R3HCC1L: variants seen among roughly 807,000 people sequenced by gnomAD.
R3HCC1L encodes R3H domain and coiled-coil containing 1 like, also known as coiled-coil domain-containing protein R3HCC1L.
R3HCC1L carries 51 observed loss-of-function variants against 59.9 expected under a neutral mutation model. The observed-to-expected ratio is 0.85, with a 90% CI of 0.68 to 1.07. The LOEUF (loss-of-function observed/expected upper bound fraction) is 1.07, where lower values mean the gene tolerates loss of function less well. Ranked by LOEUF, R3HCC1L falls within the 50% of genes least tolerant of loss-of-function variation. The pLI is 0.00. For synonymous variants in R3HCC1L, 322 were observed against 315.2 expected (o/e 1.02, Z -0.23); for missense variants, 965 against 933.0 (o/e 1.03, Z -0.45).
intron 4 of R3HCC1L, among the ~76,000 whole-genome samples, chr10:98,207,595 C>T (rs1433550123): frequency 6.6e-6 from 1 of 152,080 alleles, no homozygotes; most frequent in Non-Finnish European, 1.5e-5. Flanking sequence ...GCAGCATCTT[C>T]TAGAAAGCAT....
intron 5 of R3HCC1L, among the ~76,000 whole-genome samples, chr10:98,210,268 A>G (rs1303940095): frequency 6.6e-6 from 1 of 152,100 alleles, no homozygotes; most frequent in Non-Finnish European, 1.5e-5. Flanking sequence ...TGTTATTTAT[A>G]TTTTATTTTC....
chr10:98,136,717 G>GTAGCC (rs1041356166), intron 1 of R3HCC1L, among the ~76,000 whole-genome samples: 5 of 152,068 alleles, frequency 3.3e-5, no homozygotes, highest in African/African-American at 1.2e-4. Flanking sequence ...CACGCCTGTA[G>GTAGCC]TCCCAGCTAC....
intron 1 of R3HCC1L, among the ~76,000 whole-genome samples, chr10:98,146,774 T>C (rs1347742698): frequency 2.0e-5 from 3 of 152,262 alleles, no homozygotes; most frequent in Non-Finnish European, 4.4e-5. Flanking sequence ...ACTGTGTATA[T>C]GTACCACTTT....
At chr10:98,143,960 C>T (rs1425914895) in intron 1 of R3HCC1L, among the ~76,000 whole-genome samples, 1 of 152,112 alleles carries the variant, frequency 6.6e-6, no homozygotes. Context: ...AGCACACACA[C>T]ATACTTAAAT....
chr10:98,163,834 T>G (rs1847674201), intron 4 of R3HCC1L, among the ~76,000 whole-genome samples: 1 of 152,212 alleles, frequency 6.6e-6, no homozygotes, highest in Admixed American at 6.5e-5. Flanking sequence ...AGTAAAGTAT[T>G]ATAAAACAGA....
chr10:98,156,689 C>T (rs933059244), intron 2 of R3HCC1L, among the ~76,000 whole-genome samples: 1 of 152,138 alleles, frequency 6.6e-6, no homozygotes, highest in Admixed American at 6.5e-5. Flanking sequence ...GTGGGTGAGA[C>T]CGTTGTTGAT....
At chr10:98,198,739 G>A (rs917228324) in intron 4 of R3HCC1L, among the ~76,000 whole-genome samples, 12 of 152,014 alleles carry the variant, frequency 7.9e-5, no homozygotes, top group African/African-American at 2.9e-4. Flanking sequence ...TACATTCATG[G>A]TTTAGTTGAT....
intron 9 of R3HCC1L, among the ~76,000 whole-genome samples, chr10:98,238,704 C>T (rs185404416): frequency 9.9e-5 from 15 of 152,206 alleles, no homozygotes; most frequent in Admixed American, 2.0e-4. Context: ...ACTGTAATCC[C>T]CCTTAAAGGA....
rs865832528 is a variant in R3HCC1L at position 98,240,797 on chromosome 10, A to T, written c.2270-3294A>T. Among the ~76,000 whole-genome samples the T allele has an allele frequency of 6.3e-3, 841 of 133,092 alleles. 4 individuals carry two copies. Among genetic ancestry groups the T allele is most frequent in the Non-Finnish European group, 9.8e-3 (620 of 63,106 alleles). 87.3% of individuals were successfully genotyped at this position (133,092 alleles called of 152,430 possible). On this transcript the variant is annotated intron_variant, in intron 9 of 9. Transcript: ENST00000298999. Reference sequence around the variant, plus strand: ...ATGTCTGAAGTTCATTTCTAACCACATTTTTTTTTTTTTTTCATTTTAATG... The same window carrying T: ...ATGTCTGAAGTTCATTTCTAACCACTTTTTTTTTTTTTTTTCATTTTAATG...
Position 98,208,291 on chromosome 10 carries a change from A to G in R3HCC1L, c.177A>G (p.Lys59=). The G allele has an allele frequency of 6.2e-7, 1 of 1,614,200 alleles. No homozygotes were observed. Among genetic ancestry groups the G allele is most frequent in the Admixed American group, 1.7e-5 (1 of 60,024 alleles). ...AAAAAGAAAGTTCTCTCTCCCAAAA[A>G]GAAGTCTTTAAAGACAAACCGGAGG... is the stretch of plus-strand genomic sequence containing the variant. ...EKQKESSLSQ[K]EVFKDKPEAR... The change falls in exon 5 of 10, where the codon AAA becomes AAG. Residue 59 remains lysine (K), a synonymous_variant. Coordinates refer to ENST00000298999, the MANE Select transcript of R3HCC1L (RefSeq NM_001351015.2).
rs904946977 is a variant in R3HCC1L at position 98,165,196 on chromosome 10, G to A, written c.-15+1799G>A. On this transcript the variant is annotated intron_variant, in intron 4 of 9. Transcript: ENST00000298999. ...TATTCCTTGCTTGAGCCAGGCAGGC[G>A]GATGTTGCAGTGAGCTGAGATTGCG... 5.9e-5 allele frequency among the ~76,000 whole-genome samples: 9 copies of A among 152,196 alleles called. No individual in the cohort carries two copies. In the South Asian group the frequency reaches 1.4e-3, roughly 24 times the overall value.
chr10:98,223,251 G>A (rs1855262754), intron 5 of R3HCC1L, among the ~76,000 whole-genome samples: 1 of 152,126 alleles, frequency 6.6e-6, no homozygotes. Flanking sequence ...GAGAATTTTA[G>A]ACCAATATCC....
At chr10:98,146,764 A>C (rs1169848623) in intron 1 of R3HCC1L, among the ~76,000 whole-genome samples, 1 of 152,242 alleles carries the variant, frequency 6.6e-6, no homozygotes, top group Non-Finnish European at 1.5e-5. Flanking sequence ...ATAATATTCC[A>C]CTGTGTATAT....
In R3HCC1L at chr10:98,209,800, T is replaced by C; in HGVS notation, c.1686T>C (p.Thr562=). ...AAACATCCATCGAACCAAAAGCAAC[T>C]GAAACTTCTCACACAGAGGGAATTA... ...SMETSIEPKA[T]ETSHTEGITA... Residue 562 remains threonine (T), a synonymous_variant, in exon 5 of 10, where the codon ACT becomes ACC. Coordinates refer to ENST00000298999, the MANE Select transcript of R3HCC1L (RefSeq NM_001351015.2). The C allele has an allele frequency of 6.2e-7, 1 of 1,613,880 alleles. No homozygotes were observed. The highest frequency in any genetic ancestry group is 8.5e-7 in the Non-Finnish European group (1 of 1,179,854).
chr10:98,142,037 C>T (rs1027753693), intron 1 of R3HCC1L, among the ~76,000 whole-genome samples: 3 of 152,132 alleles, frequency 2.0e-5, no homozygotes, highest in Non-Finnish European at 4.4e-5. Flanking sequence ...TTCCCTACTG[C>T]TGATGGTGTT....
chr10:98,173,900 G>T (rs1470350674), intron 4 of R3HCC1L, among the ~76,000 whole-genome samples: 1 of 152,284 alleles, frequency 6.6e-6, no homozygotes, highest in East Asian at 1.9e-4. Context: ...AGTATCTAAC[G>T]TGTTTTTACA....
chr10:98,209,926 C>A, intron 5 of R3HCC1L, 27 bp downstream of exon 5: 1 of 1,542,290 alleles, frequency 6.5e-7, no homozygotes, highest in Non-Finnish European at 8.9e-7. Context: ...TTGCTTGATG[C>A]TTAGTTAGTT....
chr10:98,176,188 A>T (rs11189503), intron 4 of R3HCC1L, among the ~76,000 whole-genome samples: 1 of 152,056 alleles, frequency 6.6e-6, no homozygotes, highest in Non-Finnish European at 1.5e-5. Flanking sequence ...GCTTTATAGT[A>T]AACTTGAAAT....
intron 4 of R3HCC1L, among the ~76,000 whole-genome samples, chr10:98,180,250 T>A (rs1413741651): frequency 6.6e-6 from 1 of 152,222 alleles, no homozygotes; most frequent in African/African-American, 2.4e-5. Flanking sequence ...GATTCTGGTA[T>A]GTTGTGTTTT....
Sources: allele counts gnomAD v4.1 joint callset (sites outside exome capture counted in the v4.1 genomes callset), GRCh38; gene constraint gnomAD v4.1.1; transcripts MANE v1.5; gene names NCBI Gene and HGNC (gene_info 2026-07-23, HGNC 2026-07-21).